ASIC2: variants seen among roughly 807,000 people sequenced by gnomAD.
ASIC2 encodes acid-sensing ion channel 2.
A neutral mutation model predicts 57.3 loss-of-function variants in ASIC2; 25 were observed. That is an observed-to-expected ratio of 0.44 (90% CI 0.32 to 0.61). ASIC2 has a LOEUF of 0.61. ASIC2 is among the 20% of genes least tolerant of loss of function. The pLI is 0.06. For synonymous variants in ASIC2, 319 were observed against 307.5 expected (o/e 1.04, Z -0.39); for missense variants, 641 against 738.1 (o/e 0.87, Z 1.52).
At chr17:34,050,617 T>C (rs1017635448) in intron 1 of ASIC2, among the ~76,000 whole-genome samples, 1 of 152,174 alleles carries the variant, frequency 6.6e-6, no homozygotes, top group Non-Finnish European at 1.5e-5. Flanking sequence ...TCTCATTAAA[T>C]ACAAAAGACC....
chr17:33,923,206 C>T lies in ASIC2; in HGVS notation c.555+232772G>A, dbSNP rs538515604. On this transcript the variant is annotated intron_variant, in intron 1 of 9. Coordinates refer to the ASIC2 transcript ENST00000359872. ...TGATGCCCTAGTGCTGGCCAGAGTT[C>T]TGTGCCAAAAGAGAAAATGAGGCCA... Among the ~76,000 whole-genome samples the T allele has an allele frequency of 4.1e-4, 62 of 152,272 alleles. No individual in the cohort carries two copies. In the East Asian group the frequency reaches 5.0e-3, roughly 12 times the overall value.
chr17:33,285,369 C>T (rs1239347008), intron 1 of ASIC2, among the ~76,000 whole-genome samples: 1 of 152,226 alleles, frequency 6.6e-6, no homozygotes, highest in Non-Finnish European at 1.5e-5. Context: ...CTGTCTCTAG[C>T]ACTTCAATAA....
chr17:33,813,033 C>T (rs1912471311), intron 1 of ASIC2, among the ~76,000 whole-genome samples: 1 of 152,154 alleles, frequency 6.6e-6, no homozygotes, highest in Non-Finnish European at 1.5e-5. Flanking sequence ...AGGGCCAGTT[C>T]CATCCTTAAT....
chr17:34,153,259 C>T (rs1407617323), intron 1 of ASIC2, among the ~76,000 whole-genome samples: 1 of 152,208 alleles, frequency 6.6e-6, no homozygotes, highest in Non-Finnish European at 1.5e-5. Flanking sequence ...TCCCTTCCCC[C>T]ATACTTAACT....
chr17:33,664,123 G>A (rs1025378706), intron 1 of ASIC2, among the ~76,000 whole-genome samples: 4 of 152,108 alleles, frequency 2.6e-5, no homozygotes, highest in Admixed American at 6.5e-5. Context: ...GCACACTTAC[G>A]ACGTCAGCCT....
At chr17:33,580,238 A>G (rs1904388312) in intron 1 of ASIC2, 1 of 152,152 alleles carries the variant, frequency 6.6e-6, no homozygotes, top group South Asian at 2.1e-4. Flanking sequence ...ATCTAATTAA[A>G]TGCAAAGGAC....
chr17:33,534,305 A>C (rs1355336362), intron 1 of ASIC2: 2 of 152,198 alleles, frequency 1.3e-5, no homozygotes, highest in Non-Finnish European at 2.9e-5. Flanking sequence ...GGGACCCCAG[A>C]CAACCTTGAG....
At chr17:33,870,237 T>TG (rs1567740518) in intron 1 of ASIC2, among the ~76,000 whole-genome samples, 1 of 136,450 alleles carries the variant, frequency 7.3e-6, no homozygotes, top group Non-Finnish European at 1.6e-5. Context: ...TTTTTTTTTT[T>TG]TTTTTTTTTT....
chr17:33,342,338 G>A (rs1034346455), intron 1 of ASIC2, among the ~76,000 whole-genome samples: 30 of 117,998 alleles, frequency 2.5e-4, no homozygotes, highest in African/African-American at 1.0e-3. Flanking sequence ...GTGTGTGTAC[G>A]TGTGTGTGTG....
intron 1 of ASIC2, chr17:33,291,137 G>C (rs1305223002): frequency 5.1e-6 from 3 of 589,692 alleles, no homozygotes; most frequent in Admixed American, 3.8e-5. Context: ...ATAAGGAGTA[G>C]AATGAGGGCT....
At chr17:33,743,174 C>T (rs1160421839) in intron 1 of ASIC2, among the ~76,000 whole-genome samples, 1 of 152,204 alleles carries the variant, frequency 6.6e-6, no homozygotes, top group East Asian at 1.9e-4. Flanking sequence ...ACTGGTGAAA[C>T]TACTTTTAAA....
intron 1 of ASIC2, among the ~76,000 whole-genome samples, chr17:33,191,948 G>C (rs1567779331): frequency 6.6e-6 from 1 of 152,132 alleles, no homozygotes; most frequent in African/African-American, 2.4e-5. Context: ...AGGGTGCTTG[G>C]ATGTTGCAGA....
intron 1 of ASIC2, among the ~76,000 whole-genome samples, chr17:33,462,002 G>A (rs750044498): frequency 1.3e-5 from 2 of 152,172 alleles, no homozygotes; most frequent in Non-Finnish European, 2.9e-5. Context: ...GAAAAAACAC[G>A]TATTTGCTTC....
At chr17:33,976,420 T>C (rs1298910254) in intron 1 of ASIC2, 1 of 152,078 alleles carries the variant, frequency 6.6e-6, no homozygotes, top group Non-Finnish European at 1.5e-5. Flanking sequence ...CAACTCTGGA[T>C]TTTCATCGTG....
At chr17:33,656,655 G>A (rs937472312) in intron 1 of ASIC2, among the ~76,000 whole-genome samples, 2 of 152,076 alleles carry the variant, frequency 1.3e-5, no homozygotes, top group African/African-American at 4.8e-5. Context: ...TTTCCTCCAG[G>A]AAGGCCTCCT....
intron 1 of ASIC2, among the ~76,000 whole-genome samples, chr17:34,131,431 A>G (rs771081005): frequency 2.6e-5 from 4 of 152,228 alleles, no homozygotes; most frequent in African/African-American, 4.8e-5. Flanking sequence ...TTTTGGCATC[A>G]GGATAGCTCC....
At chr17:33,206,098 A>AC (rs1188059651) in intron 1 of ASIC2, among the ~76,000 whole-genome samples, 4 of 152,240 alleles carry the variant, frequency 2.6e-5, no homozygotes, top group African/African-American at 9.6e-5. Context: ...TGGCCACAGG[A>AC]GGCCACCTGG....
intron 1 of ASIC2, among the ~76,000 whole-genome samples, chr17:33,593,259 T>G (rs192536534): frequency 1.3e-5 from 2 of 152,152 alleles, no homozygotes; most frequent in Non-Finnish European, 2.9e-5. Flanking sequence ...GATAAATGAA[T>G]TTTCCTCTTT....
chr17:33,042,993 C>A (rs2091935693), intron 3 of ASIC2, among the ~76,000 whole-genome samples: 1 of 151,558 alleles, frequency 6.6e-6, no homozygotes, highest in African/African-American at 2.4e-5. Context: ...GTGGTGCAAT[C>A]TCGGCTCACC....
Sources: gnomAD v4.1 joint callset for allele counts (sites outside exome capture counted in the v4.1 genomes callset) on GRCh38, gnomAD v4.1.1 for gene constraint, MANE v1.5 for transcripts, NCBI Gene and HGNC (gene_info 2026-07-23, HGNC 2026-07-21) for gene names.